ABCA9: variants seen among roughly 807,000 people sequenced by gnomAD.
ABCA9 encodes the protein ATP-binding cassette sub-family A member 9.
In ABCA9, 183 loss-of-function variants were observed where a neutral mutation model predicts 205.3. The observed-to-expected ratio is 0.89, with a 90% confidence interval of 0.79 to 1.01. The LOEUF (loss-of-function observed/expected upper bound fraction) is 1.01, where lower values mean the gene tolerates loss of function less well. Among genes scored for constraint, ABCA9 ranks in the 50% least tolerant of loss-of-function variants. The pLI, the probability that ABCA9 is intolerant of heterozygous loss-of-function variation, is 0.00. For missense variants in ABCA9, 1,805 were observed against 1,912.4 expected (o/e 0.94, Z 1.05); for synonymous variants, 651 against 683.3 (o/e 0.95, Z 0.74).
At chr17:69,073,486 T>C in the ABCA9 span, among the ~76,000 whole-genome samples, 1 of 152,172 alleles carries the variant, frequency 6.6e-6, no homozygotes, top group African/African-American at 2.4e-5. Flanking sequence ...CTGAACAACC[T>C]GCTCCTGAAT....
chr17:69,028,798 C>T (rs540852776), intron 11 of ABCA9, among the ~76,000 whole-genome samples, 153 bp from the exon 12 acceptor site: 3 of 152,128 alleles, frequency 2.0e-5, no homozygotes, highest in Admixed American at 6.6e-5. Context: ...AACTGTATTT[C>T]AACATTTTGT....
At position 69,043,493 on chromosome 17, in the gene ABCA9, A is replaced by G; in HGVS notation, c.796T>C (p.Phe266Leu). ...MTMMGLRESA[F>L]WLSWGLMYAG... ...GATTGGAGTCATATGATTTACCAGA[A>G]TGCTGACTCTCGGAGTCCCATCATT... Residue 266 changes from phenylalanine (F) to leucine (L), a missense_variant, in exon 6 of 39, where the codon TTC becomes CTC. Transcript: ENST00000340001. 1 of 1,580,598 alleles carries G rather than the reference A, an allele frequency of 6.3e-7. No individual in the cohort carries two copies.
At chr17:69,046,908 T>C (rs890054806) in intron 3 of ABCA9, among the ~76,000 whole-genome samples, 3 of 131,278 alleles carry the variant, frequency 2.3e-5, no homozygotes, top group Non-Finnish European at 3.2e-5. Flanking sequence ...TATATATATA[T>C]ATATAAAATT....
intron 6 of ABCA9, among the ~76,000 whole-genome samples, chr17:69,038,149 C>A (rs1464900111): frequency 6.6e-6 from 1 of 152,122 alleles, no homozygotes; most frequent in African/African-American, 2.4e-5. Flanking sequence ...CAAAGGGGAG[C>A]TGGTACCATT....
chr17:69,000,830 G>C (rs999325199), intron 25 of ABCA9, among the ~76,000 whole-genome samples: 1 of 149,252 alleles, frequency 6.7e-6, no homozygotes, highest in Non-Finnish European at 1.5e-5. Flanking sequence ...CCTTGAAGAG[G>C]TCCTTCACAT....
At position 69,023,591 on chromosome 17, in the gene ABCA9, C is replaced by T. The variant is rs769158639; in HGVS notation, c.2281+623G>A. Among the ~76,000 whole-genome samples, 2 of 152,148 alleles carry T rather than the reference C, an allele frequency of 1.3e-5. No individual in the cohort carries two copies. The highest frequency in any genetic ancestry group is 2.9e-5 in the Non-Finnish European group (2 of 68,022). On this transcript the variant is annotated intron_variant, in intron 17 of 38. Transcript: ENST00000340001. The surrounding 1 kb of genome is among the most constrained non-coding windows in gnomAD (Gnocchi z 4.2). ...GTATAATTTCTTGAACTTGATATGG[C>T]AAACACATTTTTACAGAGTAAACTT...
At position 69,000,469 on chromosome 17, in the gene ABCA9, C is replaced by G. The variant is rs1433737943; in HGVS notation, c.3436-4455G>C. 2.6e-5 allele frequency among the ~76,000 whole-genome samples: 4 copies of G among 151,758 alleles called. No homozygotes were observed. The East Asian group carries it at 7.7e-4, about 29-fold the overall frequency. ...CGGCGTTATTTCTGAGGGCTCTGTT[C>G]TGTTCCATTGATCTATATCTCTGTT... On this transcript the variant is annotated intron_variant, in intron 25 of 38. Transcript: ENST00000340001.
chr17:68,984,136 G>T lies in ABCA9; in HGVS notation c.4419C>A (p.Gly1473=), dbSNP rs779375340. Residue 1473 remains glycine, a synonymous_variant, in exon 35 of 39, where the codon GGC becomes GGA. Coordinates refer to ENST00000340001, the MANE Select transcript of ABCA9 (RefSeq NM_080283.4). ...CCATGTAGTGGGTGGTCAGGAGGGC[G>T]CCCCTCTCCGTGTTTCTAAAGGTGG... ...IRATFRNTER[G]ALLTTHYMAE... is the part of the protein sequence containing the mutation. 6.2e-7 allele frequency: 1 copy of T among 1,614,120 alleles called. No individual in the cohort carries two copies. Among genetic ancestry groups the T allele is most frequent in the African/African-American group, 1.3e-5 (1 of 75,028 alleles).
rs775080013 is a variant in ABCA9, at chr17:68,993,040, T to C, written c.3600A>G (p.Glu1200=). ...CTATTAGCAGTGCCAGGTATACAAT[T>C]TCAGATTCTGAAGCTCCTAAGTAAT... ...SMDYLGASES[E]IVYLALLIPY... is the part of the protein sequence containing the mutation. Residue 1200 remains glutamate, a synonymous_variant, in exon 27 of 39, where the codon GAA becomes GAG. Coordinates refer to ENST00000340001, the MANE Select transcript of ABCA9 (RefSeq NM_080283.4). 3.1e-6 allele frequency: 5 copies of C among 1,613,810 alleles called. No homozygotes were observed. The South Asian group carries it at 5.5e-5, about 18-fold the overall frequency.
Position 69,057,939 on chromosome 17 carries a change from C to T in ABCA9, c.-14+2927G>A, listed in dbSNP as rs984956759. Among the ~76,000 whole-genome samples the T allele has an allele frequency of 5.3e-5, 8 of 151,932 alleles. No homozygotes were observed. The South Asian group carries it at 6.2e-4, about 12-fold the overall frequency. ...AGTAAGCTAGAGATGATTTAAAGTA[C>T]GCAGGAGAATATACATAGGTTAAAT... On this transcript the variant is annotated intron_variant, in intron 1 of 38. Coordinates refer to ENST00000340001, the MANE Select transcript of ABCA9 (RefSeq NM_080283.4).
chr17:69,032,534 G>A lies in ABCA9; in HGVS notation c.1277-258C>T, dbSNP rs1598395586. ...TAAAAAGCTCCTCAAAATGCAGAGAGATGTCTCAGGAGGAATTTAAATCTA... is the reference window on the plus strand; with the variant it reads ...TAAAAAGCTCCTCAAAATGCAGAGAAATGTCTCAGGAGGAATTTAAATCTA... On this transcript the variant is annotated intron_variant, in intron 9 of 38. Coordinates refer to ENST00000340001, the MANE Select transcript of ABCA9 (RefSeq NM_080283.4). 5 of 307,206 alleles carry A rather than the reference G, an allele frequency of 1.6e-5. No individual in the cohort carries two copies. The East Asian group carries it at 2.9e-4, about 18-fold the overall frequency. 19.0% of individuals were successfully genotyped at this position (307,206 alleles called of 1,614,324 possible).
chr17:69,043,382 G>A, intron 6 of ABCA9, 107 bp downstream of exon 6: 2 of 823,130 alleles, frequency 2.4e-6, no homozygotes, highest in South Asian at 1.8e-5. Context: ...CCATGGACCA[G>A]TAGCAGTCTG....
intron 11 of ABCA9, among the ~76,000 whole-genome samples, chr17:69,028,894 C>A (rs146387085): frequency 7.9e-5 from 12 of 152,058 alleles, no homozygotes; most frequent in Non-Finnish European, 1.8e-4. Flanking sequence ...AACAATAATA[C>A]AATTTTAGAG....
Position 68,989,256 on chromosome 17 carries a change from T to TCTGTCA in ABCA9, c.3956-139_3956-138insTGACAG, listed in dbSNP as rs138281321. Reference sequence around the variant, plus strand: ...TTTCCCTTATTCCTCTCTCTCTCTCTCACACACACACACACACACACACAC... The same window carrying TCTGTCA: ...TTTCCCTTATTCCTCTCTCTCTCTCTCTGTCACACACACACACACACACACACACAC... On this transcript the variant is annotated intron_variant, in intron 30 of 38. Coordinates refer to ENST00000340001, the MANE Select transcript of ABCA9 (RefSeq NM_080283.4). 7 of 243,100 alleles carry TCTGTCA rather than the reference T, an allele frequency of 2.9e-5. No homozygotes were observed. In the East Asian group the frequency reaches 4.5e-4, roughly 16 times the overall value. 15.1% of individuals were successfully genotyped at this position (243,100 alleles called of 1,614,324 possible).
At chr17:68,985,349 C>A (rs978906635) in intron 32 of ABCA9, among the ~76,000 whole-genome samples, 3 of 152,198 alleles carry the variant, frequency 2.0e-5, no homozygotes, top group Non-Finnish European at 2.9e-5. Flanking sequence ...CTGGACCGGG[C>A]ACAGTGGCTC....
chr17:69,020,705 TA>T, intron 18 of ABCA9, 119 bp from the exon 19 acceptor site: 1 of 744,986 alleles, frequency 1.3e-6, no homozygotes, highest in Non-Finnish European at 2.2e-6. Context: ...AAGATACAAG[TA>T]ATCTAATGTA....
chr17:68,980,365 G>A (rs568286059), intron 37 of ABCA9, among the ~76,000 whole-genome samples: 6,369 of 151,824 alleles, frequency 0.042, 320 homozygotes, highest in African/African-American at 0.11. Flanking sequence ...ACCATTGTGA[G>A]AGTCAGTGTG....
the ABCA9 span, among the ~76,000 whole-genome samples, chr17:69,073,130 G>C: frequency 6.6e-6 from 1 of 152,182 alleles, no homozygotes; most frequent in Non-Finnish European, 1.5e-5. Flanking sequence ...AAGAGACTTA[G>C]ACTTTCACAC....
the ABCA9 span, among the ~76,000 whole-genome samples, chr17:69,077,046 C>A: frequency 6.6e-6 from 1 of 151,930 alleles, no homozygotes. Context: ...TTCTTTTCTT[C>A]TGCTAGTTTT....
Sources: allele counts gnomAD v4.1 joint callset (sites outside exome capture counted in the v4.1 genomes callset), GRCh38; gene constraint gnomAD v4.1.1; non-coding constraint Gnocchi (gnomAD v3.1); transcripts MANE v1.5; gene names NCBI Gene and HGNC (gene_info 2026-07-23, HGNC 2026-07-21).